DAB1: variants seen among roughly 807,000 people sequenced by gnomAD.
DAB1 encodes the protein DAB adaptor protein 1, also known as disabled homolog 1.
A neutral mutation model predicts 64.6 loss-of-function variants in DAB1; 15 were observed. That is an observed-to-expected ratio of 0.23 (90% CI 0.16 to 0.36). The LOEUF is 0.36. DAB1 is among the 10% of genes least tolerant of loss of function. DAB1 has a pLI of 1.00. For synonymous variants in DAB1, 235 were observed against 251.9 expected (o/e 0.93, Z 0.64); for missense variants, 596 against 706.7 (o/e 0.84, Z 1.78).
At chr1:58,009,289 C>T (rs1034829115) in intron 5 of DAB1, among the ~76,000 whole-genome samples, 10 of 152,120 alleles carry the variant, frequency 6.6e-5, no homozygotes, top group African/African-American at 9.7e-5. Context: ...TATTGCCTCA[C>T]GCTAACCATT....
chr1:57,755,042 A>G (rs1648739663), intron 6 of DAB1, among the ~76,000 whole-genome samples: 1 of 152,058 alleles, frequency 6.6e-6, no homozygotes, highest in African/African-American at 2.4e-5. Flanking sequence ...GTAATCAAAC[A>G]CACAATAAAA....
intron 7 of DAB1, among the ~76,000 whole-genome samples, chr1:57,589,261 T>C (rs1645415914): frequency 6.6e-6 from 1 of 152,100 alleles, no homozygotes. Flanking sequence ...TGTTTATCAT[T>C]TCAAAAAGAG....
intron 7 of DAB1, among the ~76,000 whole-genome samples, chr1:57,601,011 A>G (rs545015966): frequency 8.5e-5 from 13 of 152,094 alleles, no homozygotes; most frequent in Non-Finnish European, 1.9e-4. Flanking sequence ...TTAAAAAGAG[A>G]GTTTTTTTTT....
chr1:58,527,396 C>G (rs1646369234), intron 1 of DAB1: 1 of 814,902 alleles, frequency 1.2e-6, no homozygotes, highest in African/African-American at 1.7e-5. Flanking sequence ...AAAGGAGTAA[C>G]ACAGAGAGAT....
intron 7 of DAB1, among the ~76,000 whole-genome samples, chr1:57,607,682 T>G (rs1248024518): frequency 1.3e-5 from 2 of 152,196 alleles, no homozygotes; most frequent in Non-Finnish European, 2.9e-5. Context: ...CTTGTTTATG[T>G]AAAGAATTTA....
At chr1:58,469,640 A>G (rs1645334892) in intron 3 of DAB1, among the ~76,000 whole-genome samples, 1 of 152,200 alleles carries the variant, frequency 6.6e-6, no homozygotes, top group Non-Finnish European at 1.5e-5. Flanking sequence ...ATCTCACTCT[A>G]GGGCTAAATC....
At chr1:57,491,269 A>T (rs1458678917) in intron 7 of DAB1, among the ~76,000 whole-genome samples, 1 of 152,106 alleles carries the variant, frequency 6.6e-6, no homozygotes, top group African/African-American at 2.4e-5. Flanking sequence ...TCTACTAAAA[A>T]TACAAAAAAT....
At chr1:58,414,739 C>T (rs936636968) in intron 3 of DAB1, among the ~76,000 whole-genome samples, 4 of 151,202 alleles carry the variant, frequency 2.6e-5, no homozygotes, top group African/African-American at 9.7e-5. Context: ...AGTGAAGAAA[C>T]TTGCACAAGG....
At chr1:58,184,740 G>T (rs1656981073) in intron 4 of DAB1, among the ~76,000 whole-genome samples, 2 of 152,206 alleles carry the variant, frequency 1.3e-5, no homozygotes, top group African/African-American at 2.4e-5. Context: ...CTGGGTAGCA[G>T]ATGTTTTGCT....
chr1:58,008,941 A>T (rs893900434), intron 5 of DAB1, among the ~76,000 whole-genome samples: 5 of 152,122 alleles, frequency 3.3e-5, no homozygotes, highest in African/African-American at 4.8e-5. Flanking sequence ...TACAAGACTC[A>T]CTACCATATG....
At chr1:57,292,545 C>T (rs1672859295) in intron 1 of DAB1, among the ~76,000 whole-genome samples, 1 of 152,136 alleles carries the variant, frequency 6.6e-6, no homozygotes, top group South Asian at 2.1e-4. Flanking sequence ...GCACCCACAC[C>T]CTTTCCAGAC....
intron 3 of DAB1, among the ~76,000 whole-genome samples, chr1:58,375,439 C>T (rs1471315463): frequency 7.4e-6 from 1 of 134,642 alleles, no homozygotes; most frequent in Admixed American, 7.5e-5. Context: ...TTGAGATAAT[C>T]ATGTGGTTTT....
At chr1:57,646,274 A>C (rs1411996459) in intron 7 of DAB1, among the ~76,000 whole-genome samples, 3 of 152,190 alleles carry the variant, frequency 2.0e-5, no homozygotes, top group Non-Finnish European at 2.9e-5. Context: ...ACAAAAGAAC[A>C]CTAAAGAATG....
chr1:58,358,738 A>G (rs2100522668), intron 3 of DAB1, among the ~76,000 whole-genome samples: 1 of 152,286 alleles, frequency 6.6e-6, no homozygotes, highest in Non-Finnish European at 1.5e-5. Context: ...CTGCATATAT[A>G]CCAGTCAAAT....
At chr1:57,695,377 A>AAAG (rs1447466831) in intron 6 of DAB1, among the ~76,000 whole-genome samples, 34 of 66,950 alleles carry the variant, frequency 5.1e-4, no homozygotes, top group East Asian at 1.5e-3. Flanking sequence ...AGAAAGAAAG[A>AAAG]AAGAAAGAAA....
chr1:58,494,466 T>C (rs1272443046), intron 3 of DAB1, among the ~76,000 whole-genome samples: 3 of 152,210 alleles, frequency 2.0e-5, no homozygotes, highest in African/African-American at 7.2e-5. Context: ...GAAACTACCA[T>C]CAGAGTGAAC....
In DAB1 at chr1:57,612,455, G is replaced by A. The variant is rs770624076; in HGVS notation, n.625+37137C>T. On this transcript the variant is annotated intron_variant and non_coding_transcript_variant, in intron 7 of 20. Coordinates refer to the DAB1 transcript ENST00000485760. The stretch of plus-strand genomic sequence containing the variant: ...ATAATTACAGGGTTCTTATTAAAGG[G>A]AGATGCAGGATCAGAGTCAGAGAGA... Among the ~76,000 whole-genome samples the A allele has an allele frequency of 1.3e-4, 20 of 152,208 alleles. No individual in the cohort carries two copies. In the Middle Eastern group the frequency reaches 0.01, roughly 78 times the overall value.
chr1:58,039,956 G>T (rs991003240), intron 5 of DAB1, among the ~76,000 whole-genome samples: 2 of 152,022 alleles, frequency 1.3e-5, no homozygotes, highest in African/African-American at 2.4e-5. Context: ...AACAGTGCTA[G>T]CAAAACTAGC....
chr1:58,182,981 T>C (rs1487644369), intron 4 of DAB1, among the ~76,000 whole-genome samples: 1 of 152,036 alleles, frequency 6.6e-6, no homozygotes, highest in East Asian at 1.9e-4. Flanking sequence ...TTATTGTTGT[T>C]GTTTTGTTCA....
Sources: allele counts gnomAD v4.1 joint callset (sites outside exome capture counted in the v4.1 genomes callset), GRCh38; gene constraint gnomAD v4.1.1; transcripts MANE v1.5; gene names NCBI Gene and HGNC (gene_info 2026-07-23, HGNC 2026-07-21).